The following PLPP3 variants were observed in gnomAD, a reference collection of about 807,000 sequenced individuals.
PLPP3 encodes the protein phospholipid phosphatase 3.
Under a neutral mutation model 29.6 loss-of-function variants are expected in PLPP3, and 6 were observed. The ratio of observed to expected loss-of-function variants is 0.20; its 90% CI spans 0.11 to 0.40. PLPP3 has a LOEUF of 0.40. Among genes scored for constraint, PLPP3 ranks in the 10% least tolerant of loss-of-function variants. The pLI, the probability that PLPP3 is intolerant of heterozygous loss-of-function variation, is 1.00. For missense variants in PLPP3, 308 were observed against 407.7 expected (o/e 0.76, Z 2.11); for synonymous variants, 152 against 159.7 (o/e 0.95, Z 0.36).
chr1:56,544,736 T>C lies in PLPP3; in HGVS notation c.140-7624A>G, dbSNP rs141227519. On this transcript the variant is annotated intron_variant, in intron 1 of 5. Coordinates refer to ENST00000371250, the MANE Select transcript of PLPP3 (RefSeq NM_003713.5). The stretch of plus-strand genomic sequence containing the variant: ...GTTAGCCTTTATTGCTAAGGATACA[T>C]GAACTATGTCTATTCACATATTAGC... Among the ~76,000 whole-genome samples, 802 of 152,308 alleles carry C rather than the reference T, an allele frequency of 5.3e-3. 7 individuals are homozygous for C. The highest frequency in any genetic ancestry group is 0.034 in the Middle Eastern group (10 of 294).
chr1:56,502,050 C>T (rs942165588), intron 5 of PLPP3, among the ~76,000 whole-genome samples: 2 of 152,188 alleles, frequency 1.3e-5, no homozygotes, highest in Non-Finnish European at 2.9e-5. Context: ...TCCAGCCCTG[C>T]TGGGGTGCTG....
chr1:56,572,636 G>GT (rs1339090861), intron 1 of PLPP3, among the ~76,000 whole-genome samples: 1 of 152,054 alleles, frequency 6.6e-6, no homozygotes, highest in Non-Finnish European at 1.5e-5. Flanking sequence ...TCTGCTTGGT[G>GT]TTTTCTTGGG....
At chr1:56,502,431 G>A (rs1645675036) in intron 5 of PLPP3, among the ~76,000 whole-genome samples, 2 of 152,172 alleles carry the variant, frequency 1.3e-5, no homozygotes, top group Admixed American at 6.5e-5. Context: ...AGAATCACCT[G>A]GGAGCTTCCT....
At chr1:56,536,918 C>CA in intron 2 of PLPP3, 37 bp downstream of exon 2, 1 of 1,607,196 alleles carries the variant, frequency 6.2e-7, no homozygotes, top group Middle Eastern at 1.7e-4. Flanking sequence ...AGGAAGAAGT[C>CA]AGACAGGATC....
chr1:56,513,241 G>A (rs934470449), intron 4 of PLPP3: 1 of 152,490 alleles, frequency 6.6e-6, no homozygotes, highest in Non-Finnish European at 1.5e-5. Context: ...TTGAAATGAC[G>A]TCAACTGGGC....
chr1:56,560,664 C>A (rs902231593), intron 1 of PLPP3, among the ~76,000 whole-genome samples: 1 of 152,102 alleles, frequency 6.6e-6, no homozygotes, highest in African/African-American at 2.4e-5. Context: ...AAAGCCCCCC[C>A]ACCTTCCATC....
At chr1:56,544,775 A>G (rs1301743957) in intron 1 of PLPP3, among the ~76,000 whole-genome samples, 1 of 152,196 alleles carries the variant, frequency 6.6e-6, no homozygotes. Context: ...CTAGAAAGTC[A>G]GCTACGAAAC....
At chr1:56,555,310 A>G (rs748711822) in intron 1 of PLPP3, among the ~76,000 whole-genome samples, 3 of 151,630 alleles carry the variant, frequency 2.0e-5, no homozygotes, top group African/African-American at 4.9e-5. Context: ...CGTAAGGACC[A>G]TGGGCTGGCT....
intron 5 of PLPP3, among the ~76,000 whole-genome samples, chr1:56,506,807 T>C (rs961836603): frequency 3.3e-5 from 5 of 152,150 alleles, no homozygotes; most frequent in Admixed American, 1.3e-4. Context: ...CTGTGTTTTT[T>C]TTTTATTCGT....
intron 1 of PLPP3, among the ~76,000 whole-genome samples, chr1:56,553,494 T>C (rs936502946): frequency 6.6e-6 from 1 of 152,148 alleles, no homozygotes; most frequent in Non-Finnish European, 1.5e-5. Context: ...CATTAAGGCC[T>C]CTTACAGCCA....
rs566898645 is a variant in PLPP3, at chr1:56,544,386, AACTACCAG to A, written c.140-7282_140-7275del. On this transcript the variant is annotated intron_variant, in intron 1 of 5. Transcript: ENST00000371250. ...AGGTGTTTTATTTCTAGTGAAACAC[AACTACCAG>A]AGCCAACAGGACTCATAATCCTTCC... 4.7e-3 allele frequency among the ~76,000 whole-genome samples: 709 copies of A among 152,310 alleles called. 5 individuals are homozygous for A. The highest frequency in any genetic ancestry group is 9.0e-3 in the Admixed American group (137 of 15,306).
rs192377284 is a variant in PLPP3, at chr1:56,571,919, G to A, written c.139+6959C>T. ...AGTTCCCTCTTCTATAAAAGGGATC[G>A]TCTCTATACCACATGATTGGCCTGT... On this transcript the variant is annotated intron_variant, in intron 1 of 5. Coordinates refer to ENST00000371250, the MANE Select transcript of PLPP3 (RefSeq NM_003713.5). Among the ~76,000 whole-genome samples, 24 of 151,940 alleles carry A rather than the reference G, an allele frequency of 1.6e-4. No individual in the cohort carries two copies. In the East Asian group the frequency reaches 3.1e-3, roughly 20 times the overall value.
At chr1:56,498,102 C>T (rs995165094) in intron 5 of PLPP3, among the ~76,000 whole-genome samples, 3 of 151,766 alleles carry the variant, frequency 2.0e-5, no homozygotes, top group Admixed American at 6.6e-5. Context: ...AAATATTAGC[C>T]GAGAAGTGTA....
intron 1 of PLPP3, among the ~76,000 whole-genome samples, chr1:56,573,713 A>G (rs1042360251): frequency 6.6e-6 from 1 of 152,198 alleles, no homozygotes; most frequent in African/African-American, 2.4e-5. Context: ...ATTACTCCTC[A>G]CATAACGTGT....
chr1:56,519,926 G>A (rs999051781), intron 4 of PLPP3, among the ~76,000 whole-genome samples: 3 of 152,106 alleles, frequency 2.0e-5, no homozygotes, highest in Admixed American at 2.0e-4. Context: ...CTCTAGAAGT[G>A]GCTGCTGTGA....
At position 56,500,205 on chromosome 1, in the gene PLPP3, T is replaced by C. The variant is rs549236381; in HGVS notation, c.811-3529A>G. Among the ~76,000 whole-genome samples the C allele has an allele frequency of 4.6e-5, 7 of 152,316 alleles. No homozygotes were observed. In the East Asian group the frequency reaches 1.4e-3, roughly 29 times the overall value. On this transcript the variant is annotated intron_variant, in intron 5 of 5. Coordinates refer to ENST00000371250, the MANE Select transcript of PLPP3 (RefSeq NM_003713.5). ...GTGTTAAACTCCAAAAATATGAAGATGAATATATATAAGACAGTCTTTTAC... is the reference window on the plus strand; with the variant it reads ...GTGTTAAACTCCAAAAATATGAAGACGAATATATATAAGACAGTCTTTTAC...
At chr1:56,522,836 C>T (rs949475338) in intron 4 of PLPP3, among the ~76,000 whole-genome samples, 1 of 152,178 alleles carries the variant, frequency 6.6e-6, no homozygotes, top group African/African-American at 2.4e-5. Context: ...TCTATCAAAG[C>T]GGCTGAAAGC....
chr1:56,564,667 C>G (rs935777326), intron 1 of PLPP3, among the ~76,000 whole-genome samples: 1 of 152,130 alleles, frequency 6.6e-6, no homozygotes, highest in Non-Finnish European at 1.5e-5. Context: ...GAATTGAAAG[C>G]CCTGTATTTT....
At chr1:56,566,408 G>A (rs1440567756) in intron 1 of PLPP3, among the ~76,000 whole-genome samples, 1 of 152,100 alleles carries the variant, frequency 6.6e-6, no homozygotes, top group Non-Finnish European at 1.5e-5. Context: ...TCTTACCTCC[G>A]TTCTGTAAAA....
Sources: gnomAD v4.1 joint callset for allele counts (sites outside exome capture counted in the v4.1 genomes callset) on GRCh38, gnomAD v4.1.1 for gene constraint, MANE v1.5 for transcripts, NCBI Gene and HGNC (gene_info 2026-07-23, HGNC 2026-07-21) for gene names.